Variants in PTPRG observed in about 807,000 individuals in gnomAD.
PTPRG encodes receptor-type tyrosine-protein phosphatase gamma.
A neutral mutation model predicts 165.3 loss-of-function variants in PTPRG; 102 were observed. The ratio of observed to expected loss-of-function variants is 0.62; its 90% CI spans 0.53 to 0.73. PTPRG has a LOEUF of 0.73. Among genes scored for constraint, PTPRG ranks in the 30% least tolerant of loss-of-function variants. The probability of loss-of-function intolerance (pLI) is 0.00; values close to 1 mark genes in which losing one functional copy is unlikely to be tolerated. For synonymous variants in PTPRG, 675 were observed against 669.5 expected, an observed-to-expected ratio of 1.01 and a Z score of -0.13; for missense variants, 1,866 against 1,861.4, an observed-to-expected ratio of 1.00 and a Z score of -0.05.
rs943402992 is a variant in PTPRG at position 62,233,284 on chromosome 3, T to C, written c.2375+1973T>C. On this transcript the variant is annotated intron_variant, in intron 14 of 29. Coordinates refer to ENST00000474889, the MANE Select transcript of PTPRG (RefSeq NM_002841.4). The surrounding 1 kb of genome is among the most constrained non-coding windows in gnomAD (Gnocchi z 4.7). The stretch of plus-strand genomic sequence containing the variant: ...GATCCTGTCCTCAAGGGGCGCCATG[T>C]CTGTGCTTCTTACGCTAGCCGCCCT... 1.3e-5 allele frequency among the ~76,000 whole-genome samples: 2 copies of C among 152,166 alleles called. No homozygotes were observed. Among genetic ancestry groups the C allele is most frequent in the South Asian group, 4.1e-4 (2 of 4,834 alleles).
At chr3:61,767,447 G>A (rs1036807646) in intron 2 of PTPRG, among the ~76,000 whole-genome samples, 1 of 151,962 alleles carries the variant, frequency 6.6e-6, no homozygotes, top group African/African-American at 2.4e-5. Context: ...TAAATAATTT[G>A]TCCACTGGTA....
intron 1 of PTPRG, among the ~76,000 whole-genome samples, chr3:61,716,146 GGTTT>G (rs986687652): frequency 5.5e-4 from 83 of 152,160 alleles, no homozygotes; most frequent in African/African-American, 1.9e-3. Context: ...TTTAGGGAAT[GGTTT>G]GTTTGCTTTT....
intron 5 of PTPRG, among the ~76,000 whole-genome samples, chr3:62,081,907 C>G (rs1575979575): frequency 6.6e-6 from 1 of 152,188 alleles, no homozygotes; most frequent in African/African-American, 2.4e-5. Flanking sequence ...TATTCAACAT[C>G]TATTCGATGC....
At chr3:62,160,299 A>G (rs1032522929) in intron 7 of PTPRG, among the ~76,000 whole-genome samples, 2 of 152,272 alleles carry the variant, frequency 1.3e-5, no homozygotes. Context: ...CCCTTTTGTG[A>G]GTCTAGTTGG....
intron 2 of PTPRG, among the ~76,000 whole-genome samples, chr3:61,904,277 G>T (rs1421213745): frequency 6.6e-6 from 1 of 152,092 alleles, no homozygotes; most frequent in African/African-American, 2.4e-5. Flanking sequence ...AAGGAGCTGG[G>T]TTTTTTTCTC....
chr3:61,746,347 CAG>C (rs1194126728), intron 1 of PTPRG, among the ~76,000 whole-genome samples: 1 of 151,496 alleles, frequency 6.6e-6, no homozygotes, highest in Non-Finnish European at 1.5e-5. Flanking sequence ...GCTGGGGCTA[CAG>C]GTGCCGCCAC....
At chr3:61,672,128 C>G (rs943062284) in intron 1 of PTPRG, among the ~76,000 whole-genome samples, 28 of 149,108 alleles carry the variant, frequency 1.9e-4, no homozygotes, top group African/African-American at 6.7e-4. Context: ...GATGGGCGGC[C>G]GGGCAGAGAT....
intron 2 of PTPRG, among the ~76,000 whole-genome samples, chr3:61,930,135 A>G (rs1008229768): frequency 1.3e-5 from 2 of 152,070 alleles, no homozygotes; most frequent in Non-Finnish European, 2.9e-5. Flanking sequence ...ATAGAGAAAG[A>G]TAAAGATGGA....
intron 1 of PTPRG, among the ~76,000 whole-genome samples, chr3:61,718,213 C>CCA (rs2031897240): frequency 9.8e-5 from 10 of 102,436 alleles, no homozygotes; most frequent in African/African-American, 3.5e-4. Context: ...AAACAAAAAC[C>CCA]AAAAAAAAAA....
intron 14 of PTPRG, among the ~76,000 whole-genome samples, chr3:62,234,944 C>CG (rs1700993435): frequency 1.3e-5 from 2 of 150,840 alleles, no homozygotes; most frequent in African/African-American, 4.9e-5. Flanking sequence ...CTTCCCCCCC[C>CG]CGAGATGGTC....
At chr3:61,612,462 G>C (rs17065078) in intron 1 of PTPRG, among the ~76,000 whole-genome samples, 13,520 of 152,210 alleles carry the variant, frequency 0.089, 721 homozygotes, top group East Asian at 0.21. Flanking sequence ...GGTAGTTCTC[G>C]GCAGTACTGC....
intron 1 of PTPRG, among the ~76,000 whole-genome samples, chr3:61,578,502 G>T (rs1700216295): frequency 6.6e-6 from 1 of 152,226 alleles, no homozygotes; most frequent in Non-Finnish European, 1.5e-5. Flanking sequence ...CATCTGAGTA[G>T]TGTAGAGACA....
Position 61,562,075 on chromosome 3 carries a change from T to G in PTPRG, c.-213T>G. ...TCCGCCGAGAGGATCGTCCCCAGCG[T>G]GGCTCTGCGTTCCCGGTCACTTTTT... On this transcript the variant is annotated 5_prime_UTR_variant, in exon 1 of 30. Transcript: ENST00000474889. The G allele has an allele frequency of 1.8e-6, 1 of 568,196 alleles. No individual in the cohort carries two copies. Among genetic ancestry groups the G allele is most frequent in the Non-Finnish European group, 3.1e-6 (1 of 319,098 alleles). The allele number at this position is 568,196 out of a possible 1,614,324, so 35.2% of individuals were successfully genotyped here.
chr3:61,854,064 G>A (rs1187382736), intron 2 of PTPRG, among the ~76,000 whole-genome samples: 1 of 152,184 alleles, frequency 6.6e-6, no homozygotes, highest in African/African-American at 2.4e-5. Context: ...AGAAAGGCCT[G>A]TTTGAGAGTG....
At chr3:61,579,477 TA>T (rs1453320044) in intron 1 of PTPRG, among the ~76,000 whole-genome samples, 4 of 152,252 alleles carry the variant, frequency 2.6e-5, no homozygotes, top group African/African-American at 7.2e-5. Flanking sequence ...CATGAGCTGG[TA>T]AAATAAAATA....
At chr3:62,152,218 TTTAA>T (rs1434349150) in intron 6 of PTPRG, among the ~76,000 whole-genome samples, 1 of 151,834 alleles carries the variant, frequency 6.6e-6, no homozygotes, top group African/African-American at 2.4e-5. Flanking sequence ...TTTTTTTTTT[TTTAA>T]TTAGGCAGGC....
chr3:62,243,558 T>C (rs888666208), intron 14 of PTPRG: 5 of 338,570 alleles, frequency 1.5e-5, no homozygotes, highest in African/African-American at 4.3e-5. Flanking sequence ...AGTAGTTAAA[T>C]ACTAAGCCTT....
At chr3:62,193,196 T>C (rs796960012) in intron 9 of PTPRG, among the ~76,000 whole-genome samples, 17 of 152,246 alleles carry the variant, frequency 1.1e-4, no homozygotes, top group African/African-American at 4.1e-4. Context: ...TAGGCGCTTA[T>C]GCAGTTTCTT....
intron 8 of PTPRG, among the ~76,000 whole-genome samples, chr3:62,178,136 A>AGGATGGAT (rs66547961): frequency 0.045 from 6,414 of 141,580 alleles, 192 homozygotes; most frequent in East Asian, 0.092. Context: ...AATGGATGGG[A>AGGATGGAT]GGATGGATGG....
Sources: allele counts gnomAD v4.1 joint callset (sites outside exome capture counted in the v4.1 genomes callset), GRCh38; gene constraint gnomAD v4.1.1; non-coding constraint Gnocchi (gnomAD v3.1); transcripts MANE v1.5; gene names NCBI Gene and HGNC (gene_info 2026-07-23, HGNC 2026-07-21).